The following PVT1 variants were observed in gnomAD, a reference collection of about 807,000 sequenced individuals.
PVT1 encodes Pvt1 oncogene.
At chr8:127,958,448 C>T (rs1273934983) in intron 3 of PVT1, among the ~76,000 whole-genome samples, 5 of 152,142 alleles carry the variant, frequency 3.3e-5, no homozygotes, top group Non-Finnish European at 7.4e-5. Flanking sequence ...CCGTGTTGCC[C>T]AGGCTGGTCT....
chr8:127,902,200 GA>G (rs1233526701), intron 3 of PVT1, among the ~76,000 whole-genome samples: 1 of 152,114 alleles, frequency 6.6e-6, no homozygotes, highest in African/African-American at 2.4e-5. Context: ...TTTTGGCACG[GA>G]AAGTCCAACA....
At chr8:128,076,706 A>G (rs1814095290) in intron 5 of PVT1, among the ~76,000 whole-genome samples, 2 of 152,158 alleles carry the variant, frequency 1.3e-5, no homozygotes, top group South Asian at 4.1e-4. Context: ...AAAAGTTGAA[A>G]ACCACACTCG....
chr8:127,841,543 G>A (rs996940946), intron 2 of PVT1, among the ~76,000 whole-genome samples: 1 of 152,124 alleles, frequency 6.6e-6, no homozygotes, highest in Admixed American at 6.5e-5. Flanking sequence ...TTATAGGCGT[G>A]AGCCACCACA....
chr8:128,016,160 C>T (rs532321959), intron 4 of PVT1, among the ~76,000 whole-genome samples: 2 of 152,024 alleles, frequency 1.3e-5, no homozygotes, highest in South Asian at 2.1e-4. Flanking sequence ...TGCCTGTGGT[C>T]TCAGCTACTT....
Position 127,895,890 on chromosome 8 carries a change from T to C in PVT1, n.782+4892T>C, listed in dbSNP as rs1248140976. ...GTATCTGGAAAGTAGCCATAGATAA[T>C]ATGTAAATGAGTGGGTGTGGCTGTG... is the stretch of plus-strand genomic sequence containing the variant. On this transcript the variant is annotated intron_variant and non_coding_transcript_variant, in intron 3 of 10. Coordinates refer to ENST00000651587, the Ensembl canonical transcript of PVT1. 7.2e-5 allele frequency among the ~76,000 whole-genome samples: 11 copies of C among 152,220 alleles called. 1 individual carries two copies. Among genetic ancestry groups the C allele is most frequent in the Non-Finnish European group, 1.6e-4 (11 of 68,040 alleles).
chr8:128,060,028 G>A (rs1021717027), intron 4 of PVT1, among the ~76,000 whole-genome samples: 6 of 152,130 alleles, frequency 3.9e-5, no homozygotes, highest in South Asian at 2.1e-4. Flanking sequence ...AGGCCAAGGC[G>A]GGTGGATCAC....
intron 5 of PVT1, among the ~76,000 whole-genome samples, chr8:128,096,094 C>T (rs1007643755): frequency 3.3e-5 from 5 of 152,210 alleles, no homozygotes; most frequent in African/African-American, 1.2e-4. Flanking sequence ...CAACCAGGTA[C>T]AACTGTGCTT....
chr8:127,971,544 G>T (rs960080993), intron 3 of PVT1, among the ~76,000 whole-genome samples: 33 of 152,168 alleles, frequency 2.2e-4, no homozygotes, highest in African/African-American at 7.5e-4. Context: ...AATATTTTTT[G>T]ATTAAAGGAA....
intron 2 of PVT1, among the ~76,000 whole-genome samples, chr8:127,817,906 AC>A (rs1395007590): frequency 5.3e-5 from 8 of 152,106 alleles, no homozygotes; most frequent in African/African-American, 1.9e-4. Context: ...GTAGAGATTA[AC>A]TCGGAGCCTG....
chr8:128,094,697 A>G (rs1347330569), intron 5 of PVT1, among the ~76,000 whole-genome samples: 1 of 152,198 alleles, frequency 6.6e-6, no homozygotes, highest in African/African-American at 2.4e-5. Flanking sequence ...TCTACTCTCT[A>G]TTCCTCCCTG....
chr8:127,991,630 G>A (rs541188979), intron 4 of PVT1, among the ~76,000 whole-genome samples: 1 of 152,294 alleles, frequency 6.6e-6, no homozygotes, highest in South Asian at 2.1e-4. Context: ...AGCTTGGCAG[G>A]TCTGTCTCGG....
rs540517300 is a variant in PVT1, at chr8:127,952,786, A to G, written n.783-36376A>G. 2.1e-5 allele frequency among the ~76,000 whole-genome samples: 3 copies of G among 146,338 alleles called. No homozygotes were observed. In the East Asian group the frequency reaches 6.1e-4, roughly 30 times the overall value. On this transcript the variant is annotated intron_variant and non_coding_transcript_variant, in intron 3 of 10. Transcript: ENST00000651587. ...TGTGCCTGCATTTTTTTTTTTTGAG[A>G]CGGAGTCTCGCTCTGTGGCCCAGGC...
At chr8:127,927,666 G>A (rs886102198) in intron 3 of PVT1, among the ~76,000 whole-genome samples, 3 of 152,144 alleles carry the variant, frequency 2.0e-5, no homozygotes, top group Non-Finnish European at 4.4e-5. Context: ...TCAGTACTGG[G>A]ATTCTGGCCA....
At chr8:128,028,133 G>A (rs1017052536) in intron 4 of PVT1, among the ~76,000 whole-genome samples, 1 of 152,368 alleles carries the variant, frequency 6.6e-6, no homozygotes, top group Admixed American at 6.5e-5. Context: ...AGTCCAGCCA[G>A]GTCCCCCAGC....
chr8:128,075,528 C>A (rs1814076340), intron 5 of PVT1, among the ~76,000 whole-genome samples: 1 of 152,014 alleles, frequency 6.6e-6, no homozygotes, highest in South Asian at 2.1e-4. Flanking sequence ...CACAAAAGGC[C>A]AAAGTCCTTT....
At position 127,853,678 on chromosome 8, in the gene PVT1, G is replaced by C. The variant is rs569226825; in HGVS notation, n.373-36911G>C. ...TGCCTGTAATCCCAGCTACTCAGGA[G>C]GCTGAGGCAGGAGAATCGCTCCAAC... is the stretch of plus-strand genomic sequence containing the variant. On this transcript the variant is annotated intron_variant and non_coding_transcript_variant, in intron 2 of 10. Transcript: ENST00000651587. 9.2e-5 allele frequency among the ~76,000 whole-genome samples: 14 copies of C among 152,156 alleles called. No homozygotes were observed. In the East Asian group the frequency reaches 2.5e-3, roughly 27 times the overall value.
intron 3 of PVT1, among the ~76,000 whole-genome samples, chr8:127,937,614 C>A (rs117968926): frequency 1.0e-4 from 11 of 105,044 alleles, no homozygotes; most frequent in Admixed American, 1.0e-3. Context: ...GAGAGACCAA[C>A]GTGGCCTCTC....
At chr8:127,879,284 T>G (rs1334932890) in intron 2 of PVT1, among the ~76,000 whole-genome samples, 1 of 151,960 alleles carries the variant, frequency 6.6e-6, no homozygotes. Flanking sequence ...ATCCCAGCAC[T>G]TCGGGAGGCC....
chr8:128,075,977 C>G (rs917054552), intron 5 of PVT1, among the ~76,000 whole-genome samples: 1 of 152,210 alleles, frequency 6.6e-6, no homozygotes, highest in Admixed American at 6.5e-5. Context: ...GAAATTATAT[C>G]AAACCAGTAG....
Sources: allele counts gnomAD v4.1 joint callset (sites outside exome capture counted in the v4.1 genomes callset), GRCh38; gene constraint gnomAD v4.1.1; transcripts MANE v1.5; gene names NCBI Gene and HGNC (gene_info 2026-07-23, HGNC 2026-07-21).